The following CMTM8 variants were observed in gnomAD, a reference collection of about 807,000 sequenced individuals.
CMTM8 encodes the protein CKLF-like MARVEL transmembrane domain-containing protein 8.
A neutral mutation model predicts 18.6 loss-of-function variants in CMTM8; 12 were observed. The observed-to-expected ratio is 0.65, with a 90% CI of 0.41 to 1.05. CMTM8 has a LOEUF of 1.05. Ranked by LOEUF, CMTM8 falls within the 50% of genes least tolerant of loss-of-function variation. CMTM8 has a pLI of 0.00. For missense variants in CMTM8, 217 were observed against 227.2 expected (o/e 0.95, Z 0.29); for synonymous variants, 87 against 90.6 (o/e 0.96, Z 0.23).
At chr3:32,306,664 A>G (rs1695722843) in intron 1 of CMTM8, among the ~76,000 whole-genome samples, 3 of 152,166 alleles carry the variant, frequency 2.0e-5, no homozygotes. Flanking sequence ...GGTTACATCT[A>G]CCTGGAATGT....
At chr3:32,242,646 A>G (rs957816208) in intron 1 of CMTM8, among the ~76,000 whole-genome samples, 1 of 152,068 alleles carries the variant, frequency 6.6e-6, no homozygotes, top group Non-Finnish European at 1.5e-5. Flanking sequence ...TTTTATTTCA[A>G]TTATTTATCT....
Position 32,238,971 on chromosome 3 carries a change from C to A in CMTM8, c.-2C>A, listed in dbSNP as rs1204184997. 2.6e-6 allele frequency: 4 copies of A among 1,547,592 alleles called. No homozygotes were observed. The East Asian group carries it at 9.9e-5, about 38-fold the overall frequency. On this transcript the variant is annotated 5_prime_UTR_variant, in exon 1 of 4. Transcript: ENST00000307526. ...ACGCGCCAGCCCGGCAGTGGCTCGA[C>A]GATGGAGGAGCCGCAGCGCGCCCGC...
chr3:32,244,336 T>C (rs1375556442), intron 1 of CMTM8, among the ~76,000 whole-genome samples: 2 of 152,180 alleles, frequency 1.3e-5, no homozygotes, highest in African/African-American at 2.4e-5. Flanking sequence ...ATTACAGACA[T>C]GCACTGCCAA....
chr3:32,295,955 A>G (rs764285812), intron 1 of CMTM8, among the ~76,000 whole-genome samples: 9 of 151,980 alleles, frequency 5.9e-5, no homozygotes, highest in Non-Finnish European at 1.3e-4. Flanking sequence ...CTTGCCTGTA[A>G]TGGTTTCCAT....
rs146512966 is a variant in CMTM8 at position 32,307,516 on chromosome 3, C to G, written c.148-49857C>G. Among the ~76,000 whole-genome samples the G allele has an allele frequency of 2.0e-5, 3 of 152,160 alleles. No homozygotes were observed. The East Asian group carries it at 5.8e-4, about 29-fold the overall frequency. On this transcript the variant is annotated intron_variant, in intron 1 of 3. Coordinates refer to ENST00000307526, the MANE Select transcript of CMTM8 (RefSeq NM_178868.5). ...ATCCTCGGGGAGATGATAAGTAAGTCCTTTTTGGGCAGCATTCAGTATAGG... is the reference window on the plus strand; with the variant it reads ...ATCCTCGGGGAGATGATAAGTAAGTGCTTTTTGGGCAGCATTCAGTATAGG...
At position 32,259,815 on chromosome 3, in the gene CMTM8, A is replaced by C. The variant is rs145263502; in HGVS notation, c.147+20696A>C. The C allele has an allele frequency of 7.8e-4, 637 of 821,558 alleles. 4 individuals are homozygous for C. In the African/African-American group the frequency reaches 9.5e-3, roughly 12 times the overall value. The allele number at this position is 821,558 out of a possible 1,614,324, so 50.9% of individuals were successfully genotyped here. A position where few individuals can be genotyped will look rare whatever the true frequency, so the allele number is the denominator to read the frequency against. ...CAGTCCGCCGAGGTTGGAGCTGCTG[A>C]GATGCCACTCACGGAGCTGAGACAT... On this transcript the variant is annotated intron_variant, in intron 1 of 3. Transcript: ENST00000307526.
At chr3:32,281,877 A>ATTTTTTTTT (rs1193604212) in intron 1 of CMTM8, among the ~76,000 whole-genome samples, 1 of 151,460 alleles carries the variant, frequency 6.6e-6, no homozygotes, top group African/African-American at 2.4e-5. Context: ...CACTGTCCTA[A>ATTTTTTTTT]TTTTTTTTTC....
At chr3:32,341,602 T>C (rs2125589619) in intron 1 of CMTM8, among the ~76,000 whole-genome samples, 1 of 152,226 alleles carries the variant, frequency 6.6e-6, no homozygotes, top group South Asian at 2.1e-4. Context: ...TGAGGCCAGG[T>C]GTGGTGGCTC....
chr3:32,308,989 C>T (rs149186483), intron 1 of CMTM8, among the ~76,000 whole-genome samples: 8 of 152,166 alleles, frequency 5.3e-5, no homozygotes, highest in African/African-American at 1.9e-4. Context: ...AGACACCCAT[C>T]GTCCTTGAGG....
intron 1 of CMTM8, among the ~76,000 whole-genome samples, chr3:32,334,420 C>T (rs577104617): frequency 6.6e-6 from 1 of 152,058 alleles, no homozygotes; most frequent in East Asian, 2.0e-4. Context: ...TCCTGGCTAA[C>T]ATGGTGAAAC....
At position 32,367,916 on chromosome 3, in the gene CMTM8, C is replaced by A. The variant is rs138460448; in HGVS notation, c.366C>A (p.Ala122=). Residue 122 remains alanine, a synonymous_variant, in exon 3 of 4, where the codon GCC becomes GCA. Transcript: ENST00000307526. ...GTGCCTTCGTCTTGTACCTCTCTGC[C>A]GCTGTTGTAGATGCATCTTCCGTCT... ...NGSAFVLYLS[A]AVVDASSVSP... 6.2e-7 allele frequency: 1 copy of A among 1,614,114 alleles called. No individual in the cohort carries two copies.
intron 1 of CMTM8, among the ~76,000 whole-genome samples, chr3:32,344,784 A>T (rs924566674): frequency 2.0e-5 from 3 of 152,094 alleles, no homozygotes; most frequent in Non-Finnish European, 2.9e-5. Context: ...AGTTCCAGCT[A>T]TTTTGGAGGC....
intron 1 of CMTM8, among the ~76,000 whole-genome samples, chr3:32,332,510 A>G (rs1013184562): frequency 6.6e-6 from 1 of 152,096 alleles, no homozygotes; most frequent in Non-Finnish European, 1.5e-5. Context: ...GAAGGAGGCG[A>G]TGGGAAAGGA....
intron 1 of CMTM8, among the ~76,000 whole-genome samples, chr3:32,296,911 C>A (rs1575164750): frequency 6.6e-6 from 1 of 152,268 alleles, no homozygotes; most frequent in East Asian, 1.9e-4. Context: ...GCAGAGCCGT[C>A]CACCATGACC....
chr3:32,329,347 T>G (rs1023527836), intron 1 of CMTM8, among the ~76,000 whole-genome samples: 11 of 152,164 alleles, frequency 7.2e-5, no homozygotes, highest in Non-Finnish European at 1.3e-4. Context: ...ATTACAGGAG[T>G]GAGCCACCAT....
At chr3:32,354,405 T>C (rs1339098318) in intron 1 of CMTM8, among the ~76,000 whole-genome samples, 4 of 152,242 alleles carry the variant, frequency 2.6e-5, no homozygotes, top group African/African-American at 9.6e-5. Flanking sequence ...TTACTTTGTT[T>C]GCTTGTGAGG....
At chr3:32,280,468 C>T (rs1702589439) in intron 1 of CMTM8, among the ~76,000 whole-genome samples, 4 of 152,026 alleles carry the variant, frequency 2.6e-5, no homozygotes, top group South Asian at 2.1e-4. Context: ...GATTGGTTGC[C>T]TTCTGCAATC....
chr3:32,273,129 A>ATGTGTGTGTGTGTGTGTG (rs60162265), intron 1 of CMTM8, among the ~76,000 whole-genome samples: 6,992 of 142,852 alleles, frequency 0.049, 211 homozygotes, highest in Non-Finnish European at 0.062. Context: ...ATTGGAACAA[A>ATGTGTGTGTGTGTGTGTG]TGTGTGTGTG....
intron 1 of CMTM8, among the ~76,000 whole-genome samples, chr3:32,296,142 AT>A (rs925551706): frequency 7.3e-5 from 11 of 150,318 alleles, no homozygotes; most frequent in African/African-American, 1.7e-4. Context: ...TTTATTTTTT[AT>A]TTTTTTTTAA....
Sources: allele counts gnomAD v4.1 joint callset (sites outside exome capture counted in the v4.1 genomes callset), GRCh38; gene constraint gnomAD v4.1.1; transcripts MANE v1.5; gene names NCBI Gene and HGNC (gene_info 2026-07-23, HGNC 2026-07-21).